Variants in PHLDB3 observed in about 807,000 individuals in gnomAD.
PHLDB3 encodes pleckstrin homology-like domain family B member 3.
PHLDB3 carries 86 observed loss-of-function variants against 85.7 expected under a neutral mutation model. The ratio of observed to expected loss-of-function variants is 1.00; its 90% CI spans 0.84 to 1.20. PHLDB3 has a LOEUF of 1.20. Among genes scored for constraint, PHLDB3 ranks in the 50% most tolerant of loss-of-function variants. The probability of loss-of-function intolerance (pLI) is 0.00; values close to 1 mark genes in which losing one functional copy is unlikely to be tolerated. For synonymous variants in PHLDB3, 376 were observed against 349.8 expected, an observed-to-expected ratio of 1.07 and a Z score of -0.83; for missense variants, 995 against 873.0, an observed-to-expected ratio of 1.14 and a Z score of -1.76.
chr19:43,494,102 G>A (rs932681623), intron 9 of PHLDB3, among the ~76,000 whole-genome samples: 6 of 152,000 alleles, frequency 3.9e-5, no homozygotes, highest in Admixed American at 2.0e-4. Flanking sequence ...GCATAATCTC[G>A]GCTCACTGCA....
intron 13 of PHLDB3, among the ~76,000 whole-genome samples, chr19:43,482,477 T>C (rs900762758): frequency 3.9e-5 from 6 of 152,142 alleles, no homozygotes; most frequent in South Asian, 2.1e-4. Context: ...CAGGGGACTG[T>C]TTAATAAATG....
intron 13 of PHLDB3, among the ~76,000 whole-genome samples, chr19:43,483,837 A>G (rs1008554999): frequency 6.6e-6 from 1 of 152,220 alleles, no homozygotes; most frequent in African/African-American, 2.4e-5. Context: ...TCAACTGTGA[A>G]AAGATATTTT....
chr19:43,490,042 A>AAAGGAAGG (rs143919159), intron 9 of PHLDB3, among the ~76,000 whole-genome samples: 8 of 147,658 alleles, frequency 5.4e-5, no homozygotes, highest in East Asian at 2.1e-4. Context: ...AGAGAGAGAA[A>AAAGGAAGG]AAGGAAGGAA....
chr19:43,495,773 C>T (rs887480198), intron 6 of PHLDB3, 153 bp from the exon 7 acceptor site: 2 of 1,063,362 alleles, frequency 1.9e-6, no homozygotes, highest in African/African-American at 3.2e-5. Flanking sequence ...GCGTTCAGCT[C>T]CCTGGACCCT....
Position 43,475,308 on chromosome 19 carries a change from G to A in PHLDB3, c.*102C>T, listed in dbSNP as rs558828701. 6 of 1,453,876 alleles carry A rather than the reference G, an allele frequency of 4.1e-6. No individual in the cohort carries two copies. In the South Asian group the frequency reaches 7.8e-5, roughly 19 times the overall value. 90.1% of individuals were successfully genotyped at this position (1,453,876 alleles called of 1,614,324 possible). ...GGAATTCCCGGGAGAGTTCCAAAGC[G>A]GTGCGTCCAAGTTTTCCGGCAGTGG... On this transcript the variant is annotated 3_prime_UTR_variant, in exon 16 of 16. Transcript: ENST00000292140.
intron 9 of PHLDB3, among the ~76,000 whole-genome samples, chr19:43,492,924 A>G (rs1410394762): frequency 6.6e-6 from 1 of 152,162 alleles, no homozygotes; most frequent in Non-Finnish European, 1.5e-5. Flanking sequence ...GTCATTAAAA[A>G]TGAGGCAACT....
chr19:43,504,219 C>A (rs185938617), intron 1 of PHLDB3, 87 bp from the exon 2 acceptor site: 2 of 1,215,994 alleles, frequency 1.6e-6, no homozygotes, highest in Middle Eastern at 2.9e-4. Flanking sequence ...CGCGGAGACC[C>A]CCCCCCAAGG....
chr19:43,483,306 C>G (rs1971086015), intron 13 of PHLDB3, among the ~76,000 whole-genome samples: 1 of 151,336 alleles, frequency 6.6e-6, no homozygotes. Context: ...GGCAGGGTCT[C>G]ACTCTGTCAC....
chr19:43,495,822 G>A, intron 6 of PHLDB3: 1 of 632,502 alleles, frequency 1.6e-6, no homozygotes. Context: ...TGGGGAAGAT[G>A]AAGAGAAAGG....
intron 4 of PHLDB3, among the ~76,000 whole-genome samples, chr19:43,499,108 T>C (rs1447626075): frequency 6.6e-6 from 1 of 151,800 alleles, no homozygotes; most frequent in East Asian, 1.9e-4. Flanking sequence ...CTCCAAGCAA[T>C]GAGGGTGAGA....
chr19:43,492,041 C>T (rs1451815354), intron 9 of PHLDB3, among the ~76,000 whole-genome samples: 1 of 151,392 alleles, frequency 6.6e-6, no homozygotes, highest in African/African-American at 2.4e-5. Context: ...CTGCAACCTC[C>T]GCCTTCCGGG....
At position 43,497,005 on chromosome 19, in the gene PHLDB3, C is replaced by A. The variant is rs1048557969; in HGVS notation, c.825+113G>T. 2.3e-6 allele frequency: 3 copies of A among 1,291,348 alleles called. No individual in the cohort carries two copies. In the African/African-American group the frequency reaches 4.5e-5, roughly 20 times the overall value. The allele number at this position is 1,291,348 out of a possible 1,614,324, so 80.0% of individuals were successfully genotyped here. On this transcript the variant is annotated intron_variant, in intron 6 of 15. Coordinates refer to ENST00000292140, the MANE Select transcript of PHLDB3 (RefSeq NM_198850.4). ...TCATTAGTATCAGCTCTTGTTGTTA[C>A]TATTCAGAAGAACATGACAGGCAGG...
chr19:43,491,261 A>G (rs1429483606), intron 9 of PHLDB3, among the ~76,000 whole-genome samples: 1 of 152,192 alleles, frequency 6.6e-6, no homozygotes, highest in African/African-American at 2.4e-5. Flanking sequence ...TTTCCCATAC[A>G]GAAGAACATC....
At chr19:43,486,358 C>A in intron 12 of PHLDB3, 36 bp from the exon 13 acceptor site, 1 of 1,578,454 alleles carries the variant, frequency 6.3e-7, no homozygotes, top group Non-Finnish European at 8.6e-7. Flanking sequence ...ATGAGGATCC[C>A]AGCCCATAAG....
intron 7 of PHLDB3, 59 bp downstream of exon 7, chr19:43,495,436 G>A: frequency 6.2e-7 from 1 of 1,601,208 alleles, no homozygotes; most frequent in Non-Finnish European, 8.5e-7. Flanking sequence ...CAGGGAGGTG[G>A]TGGGATGCCC....
chr19:43,479,087 G>A (rs1970984258), intron 14 of PHLDB3, among the ~76,000 whole-genome samples: 1 of 152,060 alleles, frequency 6.6e-6, no homozygotes, highest in African/African-American at 2.4e-5. Flanking sequence ...ATGGGCCCTG[G>A]GAAGCTTGAA....
At chr19:43,490,835 C>T (rs1174382019) in intron 9 of PHLDB3, among the ~76,000 whole-genome samples, 1 of 152,200 alleles carries the variant, frequency 6.6e-6, no homozygotes, top group Non-Finnish European at 1.5e-5. Flanking sequence ...GGGTTCAAAT[C>T]CCAGCTCTGC....
At chr19:43,491,127 C>G (rs1162914757) in intron 9 of PHLDB3, among the ~76,000 whole-genome samples, 1 of 152,272 alleles carries the variant, frequency 6.6e-6, no homozygotes, top group East Asian at 1.9e-4. Context: ...CATGGCGTCC[C>G]ACCAAATATT....
At chr19:43,493,284 A>AAATAAATAAATG (rs1971362883) in intron 9 of PHLDB3, among the ~76,000 whole-genome samples, 1 of 144,128 alleles carries the variant, frequency 6.9e-6, no homozygotes, top group Non-Finnish European at 1.5e-5. Context: ...GTCTCAGAAT[A>AAATAAATAAATG]AATAAATAAA....
Sources: gnomAD v4.1 joint callset for allele counts (sites outside exome capture counted in the v4.1 genomes callset) on GRCh38, gnomAD v4.1.1 for gene constraint, MANE v1.5 for transcripts, NCBI Gene and HGNC (gene_info 2026-07-23, HGNC 2026-07-21) for gene names.